The following COMMD10 variants were observed in gnomAD, a reference collection of about 807,000 sequenced individuals.
COMMD10 encodes the protein COMM domain-containing protein 10.
In COMMD10, 33 loss-of-function variants were observed where a neutral mutation model predicts 28.9. The observed-to-expected ratio is 1.14, with a 90% CI of 0.87 to 1.53. The LOEUF is 1.53. COMMD10 is among the 40% of genes most tolerant of loss of function. The probability of loss-of-function intolerance (pLI) is 0.00; values close to 1 mark genes in which losing one functional copy is unlikely to be tolerated. For synonymous variants in COMMD10, 110 were observed against 81.7 expected (o/e 1.35, Z -1.87); for missense variants, 310 against 233.4 (o/e 1.33, Z -2.14).
intron 5 of COMMD10, among the ~76,000 whole-genome samples, chr5:116,192,654 G>A (rs114058657): frequency 2.6e-3 from 394 of 152,212 alleles, no homozygotes; most frequent in African/African-American, 9.0e-3. Context: ...AAGTTTCCAA[G>A]AAGTCTGGGA....
chr5:116,147,191 G>A (rs536077946), intron 5 of COMMD10, among the ~76,000 whole-genome samples: 1 of 151,860 alleles, frequency 6.6e-6, no homozygotes, highest in East Asian at 1.9e-4. Flanking sequence ...TGTTCGGTTA[G>A]TGCACAAGGA....
intron 5 of COMMD10, among the ~76,000 whole-genome samples, chr5:116,285,847 G>C (rs1751206083): frequency 6.6e-6 from 1 of 151,796 alleles, no homozygotes; most frequent in Non-Finnish European, 1.5e-5. Flanking sequence ...GTCTTTGTCT[G>C]ACTTTGGAAC....
intron 5 of COMMD10, among the ~76,000 whole-genome samples, chr5:116,164,218 G>C (rs963709856): frequency 4.6e-5 from 7 of 152,252 alleles, no homozygotes; most frequent in African/African-American, 1.4e-4. Context: ...CTACCCAGGA[G>C]GCTGAGGCAG....
intron 5 of COMMD10, among the ~76,000 whole-genome samples, chr5:116,271,279 T>G (rs948175398): frequency 8.8e-5 from 13 of 147,436 alleles, no homozygotes; most frequent in Non-Finnish European, 1.8e-4. Flanking sequence ...TTTTTATCTT[T>G]TTAAATTTTT....
At chr5:116,214,646 A>G (rs1270827722) in intron 5 of COMMD10, among the ~76,000 whole-genome samples, 3 of 152,138 alleles carry the variant, frequency 2.0e-5, no homozygotes, top group Non-Finnish European at 2.9e-5. Context: ...ATTGAATTGC[A>G]TTGAAATCTC....
intron 4 of COMMD10, among the ~76,000 whole-genome samples, chr5:116,102,600 A>G (rs981589810): frequency 1.5e-4 from 23 of 152,280 alleles, no homozygotes; most frequent in Admixed American, 1.4e-3. Flanking sequence ...AAAAATGACA[A>G]TGGTATTTTG....
intron 5 of COMMD10, among the ~76,000 whole-genome samples, chr5:116,197,730 CA>C (rs1748565743): frequency 1.3e-5 from 2 of 152,076 alleles, no homozygotes; most frequent in Admixed American, 1.3e-4. Context: ...AGGATTCTGC[CA>C]TTTTATTCAC....
chr5:116,189,687 T>G (rs957374570), intron 5 of COMMD10, among the ~76,000 whole-genome samples: 1 of 151,748 alleles, frequency 6.6e-6, no homozygotes, highest in Admixed American at 6.6e-5. Context: ...GCCAGAACCC[T>G]AAATTTCAGT....
intron 5 of COMMD10, among the ~76,000 whole-genome samples, chr5:116,267,500 TATC>T (rs1456799862): frequency 1.3e-5 from 2 of 151,824 alleles, no homozygotes; most frequent in Admixed American, 1.3e-4. Flanking sequence ...GAAGAATCAA[TATC>T]ATGAAAATGG....
At chr5:116,164,081 C>G (rs1377138181) in intron 5 of COMMD10, among the ~76,000 whole-genome samples, 1 of 152,148 alleles carries the variant, frequency 6.6e-6, no homozygotes. Flanking sequence ...TTTTGGGAAG[C>G]TAAGGAGGGC....
intron 4 of COMMD10, among the ~76,000 whole-genome samples, chr5:116,107,674 A>C (rs1750887077): frequency 6.6e-6 from 1 of 151,942 alleles, no homozygotes; most frequent in Admixed American, 6.6e-5. Context: ...TCTGAAGCCT[A>C]CTTCTGTCAG....
chr5:116,203,171 G>A (rs79010182), intron 5 of COMMD10, among the ~76,000 whole-genome samples: 19 of 152,120 alleles, frequency 1.2e-4, no homozygotes, highest in Admixed American at 4.6e-4. Context: ...GAAATGAAGC[G>A]AGAAGGAAAG....
intron 5 of COMMD10, among the ~76,000 whole-genome samples, chr5:116,234,353 T>A (rs1421528647): frequency 2.6e-5 from 4 of 152,096 alleles, no homozygotes; most frequent in African/African-American, 9.7e-5. Flanking sequence ...GCTGCCTGTT[T>A]AAAAACAAAA....
rs1365527356 is a variant in COMMD10 at position 116,163,749 on chromosome 5, T to A, written c.510+29571T>A. On this transcript the variant is annotated intron_variant, in intron 5 of 6. Coordinates refer to ENST00000274458, the MANE Select transcript of COMMD10 (RefSeq NM_016144.4). ...TTTTATTATAAAGCACTAAGTTATG[T>A]CTTCTTAAACCACTTTTTGTTTAGA... 2.0e-5 allele frequency among the ~76,000 whole-genome samples: 3 copies of A among 152,214 alleles called. No homozygotes were observed. The East Asian group carries it at 5.8e-4, about 29-fold the overall frequency.
At chr5:116,220,506 G>A (rs1444910750) in intron 5 of COMMD10, among the ~76,000 whole-genome samples, 1 of 152,042 alleles carries the variant, frequency 6.6e-6, no homozygotes, top group African/African-American at 2.4e-5. Flanking sequence ...GAACATGTCT[G>A]TATAGGTCAG....
intron 5 of COMMD10, among the ~76,000 whole-genome samples, chr5:116,144,743 G>C (rs1752293029): frequency 6.6e-6 from 1 of 151,842 alleles, no homozygotes; most frequent in Admixed American, 6.6e-5. Flanking sequence ...ATTGAGAGGA[G>C]AAGAAAGAAA....
intron 5 of COMMD10, among the ~76,000 whole-genome samples, chr5:116,195,203 A>T (rs1015555767): frequency 6.6e-6 from 1 of 152,182 alleles, no homozygotes; most frequent in Non-Finnish European, 1.5e-5. Context: ...CCCACAGCCA[A>T]CATAATACTG....
chr5:116,251,264 CT>C (rs869027375), intron 5 of COMMD10, among the ~76,000 whole-genome samples: 1 of 122,046 alleles, frequency 8.2e-6, no homozygotes. Context: ...AGACTCTTTT[CT>C]TTTTATTTAT....
At chr5:116,092,517 T>TA in intron 3 of COMMD10, 28 bp from the exon 4 acceptor site, 1 of 1,509,208 alleles carries the variant, frequency 6.6e-7, no homozygotes, top group Non-Finnish European at 8.9e-7. Flanking sequence ...ATGAGGGACA[T>TA]ATGTAATTTT....
Sources: gnomAD v4.1 joint callset for allele counts (sites outside exome capture counted in the v4.1 genomes callset) on GRCh38, gnomAD v4.1.1 for gene constraint, MANE v1.5 for transcripts, NCBI Gene and HGNC (gene_info 2026-07-23, HGNC 2026-07-21) for gene names.